Variants in EPHA7 observed in about 807,000 individuals in gnomAD.
EPHA7 encodes EPH receptor A7, also known as ephrin type-A receptor 7.
In EPHA7, 25 loss-of-function variants were observed where a neutral mutation model predicts 112.6. The observed-to-expected ratio is 0.22, with a 90% CI of 0.16 to 0.31. The LOEUF is 0.31. Among genes scored for constraint, EPHA7 ranks in the 10% least tolerant of loss-of-function variants. The pLI is 1.00. For missense variants in EPHA7, 962 were observed against 1,212.6 expected (o/e 0.79, Z 3.07); for synonymous variants, 437 against 406.5 (o/e 1.07, Z -0.90).
chr6:93,331,229 T>C (rs1774576649), intron 5 of EPHA7, among the ~76,000 whole-genome samples: 1 of 151,454 alleles, frequency 6.6e-6, no homozygotes, highest in African/African-American at 2.4e-5. Context: ...AGAAAAGAAG[T>C]AAACAGAGAT....
At chr6:93,312,958 G>A (rs764776903) in intron 5 of EPHA7, among the ~76,000 whole-genome samples, 4 of 152,114 alleles carry the variant, frequency 2.6e-5, no homozygotes, top group Non-Finnish European at 5.9e-5. Flanking sequence ...AATTAAGTTT[G>A]CTATCTTATA....
chr6:93,301,314 A>G (rs1178419170), intron 5 of EPHA7, among the ~76,000 whole-genome samples: 1 of 152,216 alleles, frequency 6.6e-6, no homozygotes, highest in Non-Finnish European at 1.5e-5. Context: ...TGATCAAATA[A>G]GAGTAATTGA....
At chr6:93,384,444 A>G (rs1228848415) in intron 3 of EPHA7, among the ~76,000 whole-genome samples, 2 of 152,180 alleles carry the variant, frequency 1.3e-5, no homozygotes, top group Non-Finnish European at 2.9e-5. Flanking sequence ...CCATTGTTCC[A>G]TAACTACAAA....
intron 2 of EPHA7, among the ~76,000 whole-genome samples, chr6:93,413,685 G>C (rs899683454): frequency 5.3e-5 from 8 of 151,816 alleles, no homozygotes; most frequent in African/African-American, 1.9e-4. Context: ...CAATATGAAT[G>C]AAAGGAATCT....
intron 3 of EPHA7, among the ~76,000 whole-genome samples, chr6:93,365,664 G>A (rs1776470993): frequency 6.6e-6 from 1 of 152,154 alleles, no homozygotes; most frequent in Non-Finnish European, 1.5e-5. Flanking sequence ...AGCGAGCAGG[G>A]AGGATAAAAA....
chr6:93,411,505 T>A lies in EPHA7; in HGVS notation c.163-335A>T, dbSNP rs528244758. 4.6e-5 allele frequency among the ~76,000 whole-genome samples: 7 copies of A among 152,308 alleles called. No individual in the cohort carries two copies. In the South Asian group the frequency reaches 1.5e-3, roughly 32 times the overall value. On this transcript the variant is annotated intron_variant, in intron 2 of 16. Transcript: ENST00000369303. ...TTATAGACTAAAGCTCACAATTATTTAAATTATCAGTGAAAGTATATACAT... is the reference window on the plus strand; with the variant it reads ...TTATAGACTAAAGCTCACAATTATTAAAATTATCAGTGAAAGTATATACAT...
chr6:93,302,724 T>C (rs1007505486), intron 5 of EPHA7, among the ~76,000 whole-genome samples: 7 of 152,168 alleles, frequency 4.6e-5, no homozygotes, highest in African/African-American at 1.7e-4. Flanking sequence ...AAGATGTTTT[T>C]GCTATCCTTT....
intron 9 of EPHA7, among the ~76,000 whole-genome samples, chr6:93,261,045 G>A (rs74914275): frequency 0.02 from 3,032 of 151,670 alleles, 40 homozygotes; most frequent in Middle Eastern, 0.078. Flanking sequence ...GTCTCTGATG[G>A]TTCTTTATTC....
At chr6:93,317,273 T>A (rs937338506) in intron 5 of EPHA7, among the ~76,000 whole-genome samples, 1 of 152,182 alleles carries the variant, frequency 6.6e-6, no homozygotes, top group African/African-American at 2.4e-5. Flanking sequence ...TTTAATTATG[T>A]CTTAAATAAG....
At chr6:93,324,932 A>C (rs1034475138) in intron 5 of EPHA7, among the ~76,000 whole-genome samples, 1 of 151,410 alleles carries the variant, frequency 6.6e-6, no homozygotes, top group Non-Finnish European at 1.5e-5. Flanking sequence ...TTTTATTGAT[A>C]GATTTTTCAC....
At chr6:93,258,954 A>G (rs1015248572) in intron 10 of EPHA7, among the ~76,000 whole-genome samples, 1 of 152,042 alleles carries the variant, frequency 6.6e-6, no homozygotes, top group African/African-American at 2.4e-5. Context: ...GCTAATACCT[A>G]CAAATACAAG....
intron 5 of EPHA7, among the ~76,000 whole-genome samples, chr6:93,342,774 T>C (rs1775205693): frequency 6.8e-6 from 1 of 148,128 alleles, no homozygotes; most frequent in Admixed American, 6.6e-5. Flanking sequence ...ATGTTTATTA[T>C]GCATCTAAGA....
At chr6:93,380,728 GATTAA>G (rs1356584192) in intron 3 of EPHA7, among the ~76,000 whole-genome samples, 1 of 152,080 alleles carries the variant, frequency 6.6e-6, no homozygotes, top group Non-Finnish European at 1.5e-5. Context: ...CCTCACAGTA[GATTAA>G]AGGGAATTTG....
chr6:93,383,266 G>A (rs1166281967), intron 3 of EPHA7, among the ~76,000 whole-genome samples: 14 of 44,216 alleles, frequency 3.2e-4, no homozygotes, highest in African/African-American at 1.5e-3. Context: ...TGGAACTCGT[G>A]TGTGTGTGTG....
intron 3 of EPHA7, among the ~76,000 whole-genome samples, chr6:93,382,488 C>CT (rs1777387159): frequency 6.6e-6 from 1 of 152,182 alleles, no homozygotes. Context: ...CCAGTGACCA[C>CT]TACTGTCTGC....
chr6:93,291,860 T>C (rs2127837558), intron 5 of EPHA7, among the ~76,000 whole-genome samples: 1 of 151,962 alleles, frequency 6.6e-6, no homozygotes, highest in East Asian at 1.9e-4. Context: ...TTCCCAATGA[T>C]TCATTTGCAA....
chr6:93,358,374 A>T lies in EPHA7; in HGVS notation c.870T>A (p.Asp290Glu). 1 of 1,612,762 alleles carries T rather than the reference A, an allele frequency of 6.2e-7. No homozygotes were observed. The highest frequency in any genetic ancestry group is 8.5e-7 in the Non-Finnish European group (1 of 1,179,206). ...GRGFYKSSSQ[D>E]LQCSRCPTHS... ...GAGTTGGACAACGAGAGCACTGAAG[A>T]TCTTGAGAGGAAGACTTGTAGAACC... The change falls in exon 4 of 17, where the codon GAT becomes GAA. Residue 290 changes from aspartate to glutamate, a missense_variant. Physicochemically the swap from Asp to Glu is conservative, Grantham distance 45 (BLOSUM62 2). Coordinates refer to ENST00000369303, the MANE Select transcript of EPHA7 (RefSeq NM_004440.4).
chr6:93,247,086 GC>G, intron 14 of EPHA7, 101 bp from the exon 15 acceptor site: 1 of 1,045,574 alleles, frequency 9.6e-7, no homozygotes, highest in Non-Finnish European at 1.3e-6. Context: ...GAAGAATGAG[GC>G]ACAATGCTTC....
chr6:93,378,922 T>A (rs1433269042), intron 3 of EPHA7, among the ~76,000 whole-genome samples: 1 of 152,156 alleles, frequency 6.6e-6, no homozygotes, highest in East Asian at 1.9e-4. Context: ...AATCTGGTAC[T>A]TCATTACTGT....
Sources: gnomAD v4.1 joint callset for allele counts (sites outside exome capture counted in the v4.1 genomes callset) on GRCh38, gnomAD v4.1.1 for gene constraint, MANE v1.5 for transcripts, NCBI Gene and HGNC (gene_info 2026-07-23, HGNC 2026-07-21) for gene names.